The following DYNC2H1 variants were observed in gnomAD, a reference collection of about 807,000 sequenced individuals.
DYNC2H1 encodes the protein cytoplasmic dynein 2 heavy chain 1.
DYNC2H1 carries 410 observed loss-of-function variants against 570.0 expected under a neutral mutation model. That is an observed-to-expected ratio of 0.72 (90% CI 0.66 to 0.78). The LOEUF is 0.78. Among genes scored for constraint, DYNC2H1 ranks in the 30% least tolerant of loss-of-function variants. DYNC2H1 has a pLI of 0.00. For missense variants in DYNC2H1, 4,865 were observed against 5,046.4 expected, an observed-to-expected ratio of 0.96 and a Z score of 1.09; for synonymous variants, 1,688 against 1,677.6, an observed-to-expected ratio of 1.01 and a Z score of -0.15.
rs142041714 is a variant in DYNC2H1, at chr11:103,413,502, G to A, written c.12366+13630G>A. On this transcript the variant is annotated intron_variant, in intron 84 of 88. Transcript: ENST00000375735. ...TGTGAAAGAGTTACATCCTGGTAGA[G>A]CATTAAAGCCTGTACTGTAATTCTG... Among the ~76,000 whole-genome samples the A allele has an allele frequency of 3.6e-3, 552 of 152,262 alleles. 5 individuals are homozygous for A. Among genetic ancestry groups the A allele is most frequent in the African/African-American group, 0.013 (528 of 41,562 alleles).
Position 103,286,071 on chromosome 11 carries a change from CT to C in DYNC2H1, c.10891-181del, listed in dbSNP as rs199854757. Among the ~76,000 whole-genome samples, 576 of 152,202 alleles carry C rather than the reference CT, an allele frequency of 3.8e-3. 3 individuals are homozygous for C. The highest frequency in any genetic ancestry group is 0.013 in the African/African-American group (552 of 41,536). ...CTTTGGAAGTGTATTTTAATTCTGGCTTTAATATTAGGTGAGTTTACCATAG... is the reference window on the plus strand; with the variant it reads ...CTTTGGAAGTGTATTTTAATTCTGGCTTAATATTAGGTGAGTTTACCATAG... On this transcript the variant is annotated intron_variant, in intron 73 of 88. Coordinates refer to ENST00000375735, the MANE Select transcript of DYNC2H1 (RefSeq NM_001377.3).
rs1484802051 is a variant in DYNC2H1, at chr11:103,241,920, T to C, written c.9820-1773T>C. ...CGTTCTTCTCTTTAATATCACCGTG[T>C]GCTAGCAATTGTAAACAGCATTGGT... On this transcript the variant is annotated intron_variant, in intron 63 of 88. Transcript: ENST00000375735. The surrounding 1 kb of genome is among the most constrained non-coding windows in gnomAD (Gnocchi z 5.1). Among the ~76,000 whole-genome samples the C allele has an allele frequency of 6.6e-6, 1 of 152,152 alleles. No individual in the cohort carries two copies. Among genetic ancestry groups the C allele is most frequent in the Non-Finnish European group, 1.5e-5 (1 of 68,036 alleles).
intron 82 of DYNC2H1, among the ~76,000 whole-genome samples, chr11:103,342,681 T>G (rs1054601755): frequency 6.6e-6 from 1 of 151,988 alleles, no homozygotes; most frequent in Non-Finnish European, 1.5e-5. Context: ...TTTTTTTGTA[T>G]TTTTAGTAGA....
intron 54 of DYNC2H1, among the ~76,000 whole-genome samples, chr11:103,212,772 T>C (rs1355419838): frequency 2.0e-5 from 3 of 152,128 alleles, no homozygotes. Context: ...TTCTAATGAT[T>C]CACTTTCATT....
At chr11:103,234,548 C>G (rs546444476) in intron 61 of DYNC2H1, among the ~76,000 whole-genome samples, 1 of 151,910 alleles carries the variant, frequency 6.6e-6, no homozygotes, top group African/African-American at 2.4e-5. Flanking sequence ...TTAGTGTTGT[C>G]TCTTGTTTTT....
chr11:103,263,022 C>CAAAAAAAAAAAA (rs35912109), intron 70 of DYNC2H1, among the ~76,000 whole-genome samples: 25 of 39,968 alleles, frequency 6.3e-4, no homozygotes, highest in Admixed American at 1.1e-3. Flanking sequence ...AAATGGAAAG[C>CAAAAAAAAAAAA]AAAAAAAAAA....
intron 84 of DYNC2H1, among the ~76,000 whole-genome samples, chr11:103,431,892 T>C (rs184294031): frequency 2.0e-5 from 3 of 152,270 alleles, no homozygotes; most frequent in Non-Finnish European, 4.4e-5. Context: ...GGTGGGGCAC[T>C]GTCGTAGAGA....
At position 103,370,288 on chromosome 11, in the gene DYNC2H1, A is replaced by G. The variant is rs993076750; in HGVS notation, c.12156+11929A>G. Among the ~76,000 whole-genome samples the G allele has an allele frequency of 6.6e-5, 10 of 152,354 alleles. 1 individual carries two copies. The highest frequency in any genetic ancestry group is 1.9e-4 in the East Asian group (1 of 5,186). On this transcript the variant is annotated intron_variant, in intron 83 of 88. Transcript: ENST00000375735. Reference sequence around the variant, plus strand: ...CTGAATTTTGTGGTTTGAGTGGCACAATACTCAGCTGCAATACAATAAAAT... The same window carrying G: ...CTGAATTTTGTGGTTTGAGTGGCACGATACTCAGCTGCAATACAATAAAAT...
chr11:103,121,807 T>C (rs1858725120), intron 10 of DYNC2H1, among the ~76,000 whole-genome samples: 1 of 152,108 alleles, frequency 6.6e-6, no homozygotes, highest in Non-Finnish European at 1.5e-5. Context: ...AAAAATGAGC[T>C]GGACATGGTG....
At chr11:103,113,847 C>G in intron 2 of DYNC2H1, 140 bp downstream of exon 2, 1 of 866,840 alleles carries the variant, frequency 1.2e-6, no homozygotes, top group Non-Finnish European at 1.6e-6. Context: ...CTTTTTTTAA[C>G]TTAAATTTTA....
At position 103,203,087 on chromosome 11, in the gene DYNC2H1, G is replaced by A. The variant is rs1231762618; in HGVS notation, c.8198-576G>A. Among the ~76,000 whole-genome samples, 1 of 152,118 alleles carries A rather than the reference G, an allele frequency of 6.6e-6. No individual in the cohort carries two copies. The highest frequency in any genetic ancestry group is 1.5e-5 in the Non-Finnish European group (1 of 68,020). On this transcript the variant is annotated intron_variant, in intron 50 of 88. Coordinates refer to ENST00000375735, the MANE Select transcript of DYNC2H1 (RefSeq NM_001377.3). The surrounding 1 kb of genome is among the most constrained non-coding windows in gnomAD (Gnocchi z 4.7). ...TAAGAATATTCTAGGGTTAAATGTT[G>A]AACATTGTCAAATATTTGTCCTCAG...
chr11:103,236,853 A>G (rs184865384), intron 63 of DYNC2H1, among the ~76,000 whole-genome samples: 1 of 152,116 alleles, frequency 6.6e-6, no homozygotes, highest in Admixed American at 6.6e-5. Context: ...CTTCATGAGT[A>G]CAGACTAGAA....
intron 82 of DYNC2H1, among the ~76,000 whole-genome samples, chr11:103,327,349 A>G (rs1274505712): frequency 6.6e-6 from 1 of 152,104 alleles, no homozygotes; most frequent in South Asian, 2.1e-4. Context: ...GTGTGTGTGT[A>G]TAATACATAT....
intron 80 of DYNC2H1, among the ~76,000 whole-genome samples, chr11:103,317,747 A>G (rs1184750479): frequency 6.6e-6 from 1 of 152,056 alleles, no homozygotes; most frequent in East Asian, 1.9e-4. Flanking sequence ...CTCAGCTTGG[A>G]TGTATCCTCT....
At position 103,421,927 on chromosome 11, in the gene DYNC2H1, C is replaced by T. The variant is rs559535993; in HGVS notation, c.12367-14016C>T. On this transcript the variant is annotated intron_variant, in intron 84 of 88. Transcript: ENST00000375735. Reference sequence around the variant, plus strand: ...AAGAACTGGTTTTTTTTTTTTATAACAAAATAGACCACTAGCTAGAATAAT... The same window carrying T: ...AAGAACTGGTTTTTTTTTTTTATAATAAAATAGACCACTAGCTAGAATAAT... Among the ~76,000 whole-genome samples, 47 of 143,280 alleles carry T rather than the reference C, an allele frequency of 3.3e-4. 1 individual carries two copies. In the South Asian group the frequency reaches 0.01, roughly 32 times the overall value. 94.0% of individuals were successfully genotyped at this position (143,280 alleles called of 152,430 possible).
intron 5 of DYNC2H1, among the ~76,000 whole-genome samples, chr11:103,117,230 ATG>A (rs1455242237): frequency 1.6e-4 from 23 of 146,720 alleles, no homozygotes; most frequent in Admixed American, 2.1e-4. Flanking sequence ...TATTTAATAT[ATG>A]TATATATATA....
intron 55 of DYNC2H1, among the ~76,000 whole-genome samples, chr11:103,219,468 TG>T: frequency 6.6e-6 from 1 of 151,906 alleles, no homozygotes; most frequent in Non-Finnish European, 1.5e-5. Flanking sequence ...AAAAATTAGC[TG>T]GGCATGGTGG....
intron 84 of DYNC2H1, among the ~76,000 whole-genome samples, chr11:103,412,204 G>A (rs892772932): frequency 1.3e-5 from 2 of 152,036 alleles, no homozygotes; most frequent in Non-Finnish European, 2.9e-5. Context: ...GATGCCATAC[G>A]ATTTAATGTG....
rs1278729 is a variant in DYNC2H1, at chr11:103,191,231, G to C, written c.7438-286G>C. 0.6 allele frequency among the ~76,000 whole-genome samples: 90,342 copies of C among 151,110 alleles called. 27,283 individuals carry two copies. The highest frequency in any genetic ancestry group is 0.69 in the Admixed American group (10,561 of 15,214). Reference sequence around the variant, plus strand: ...ATTTTTATATTTTTTTTAGAGACGGGGTTTTGCCATATTGGCCAGGCTGGT... The same window carrying C: ...ATTTTTATATTTTTTTTAGAGACGGCGTTTTGCCATATTGGCCAGGCTGGT... On this transcript the variant is annotated intron_variant, in intron 45 of 88. Transcript: ENST00000375735.
Sources: allele counts gnomAD v4.1 joint callset (sites outside exome capture counted in the v4.1 genomes callset), GRCh38; gene constraint gnomAD v4.1.1; non-coding constraint Gnocchi (gnomAD v3.1); transcripts MANE v1.5; gene names NCBI Gene and HGNC (gene_info 2026-07-23, HGNC 2026-07-21).